The following POMGNT1 variants were observed in gnomAD, a reference collection of about 807,000 sequenced individuals.
POMGNT1 encodes the protein protein O-linked-mannose beta-1,2-N-acetylglucosaminyltransferase 1.
POMGNT1 carries 67 observed loss-of-function variants against 95.6 expected under a neutral mutation model. The observed-to-expected ratio is 0.70, with a 90% CI of 0.58 to 0.86. The LOEUF is 0.86. POMGNT1 is among the 40% of genes least tolerant of loss of function. POMGNT1 has a pLI of 0.00. For missense variants in POMGNT1, 719 were observed against 855.2 expected (o/e 0.84, Z 1.99); for synonymous variants, 298 against 317.9 (o/e 0.94, Z 0.66).
At chr1:46,190,392 G>A (rs1432236055) in intron 19 of POMGNT1, 81 bp downstream of exon 19, 2 of 1,498,214 alleles carry the variant, frequency 1.3e-6, no homozygotes, top group African/African-American at 1.4e-5. Context: ...ATTTTGCACA[G>A]GACCCTGTAA....
rs1657629432 is a variant in POMGNT1 at position 46,190,008 on chromosome 1, G to A, written c.1650-19C>T. 6.2e-7 allele frequency: 1 copy of A among 1,612,410 alleles called. No individual in the cohort carries two copies. Among genetic ancestry groups the A allele is most frequent in the Non-Finnish European group, 8.5e-7 (1 of 1,179,214 alleles). On this transcript the variant is annotated intron_variant, in intron 19 of 21. Transcript: ENST00000371984. ...AGCCTCACTGCAGTAGAGGGTGGGA[G>A]AATATAGCCAAGACAGGGCCCACTT...
In POMGNT1 at chr1:46,196,602, A is replaced by T; in HGVS notation, c.354+129T>A. ...GTCCCAGTCTATAGATAAGGAATCG[A>T]GGACTCCAAAGTCACACAGCTAGAA... On this transcript the variant is annotated intron_variant, in intron 4 of 21. Coordinates refer to ENST00000371984, the MANE Select transcript of POMGNT1 (RefSeq NM_017739.4). The surrounding 1 kb of genome is among the most constrained non-coding windows in gnomAD (Gnocchi z 4.4). The T allele has an allele frequency of 1.3e-6, 2 of 1,561,858 alleles. No homozygotes were observed. Among genetic ancestry groups the T allele is most frequent in the Non-Finnish European group, 1.7e-6 (2 of 1,153,106 alleles).
chr1:46,194,015 G>A, intron 9 of POMGNT1, 90 bp from the exon 10 acceptor site: 2 of 1,580,744 alleles, frequency 1.3e-6, no homozygotes, highest in South Asian at 2.3e-5. Flanking sequence ...GAGGGTAGGT[G>A]CAGACTGGAG....
chr1:46,203,253 T>C (rs771630607), upstream of POMGNT1: 3 of 447,316 alleles, frequency 6.7e-6, no homozygotes, highest in Non-Finnish European at 1.2e-5. Context: ...CTCGAATACA[T>C]CCACAGACGG....
intron 11 of POMGNT1, 65 bp downstream of exon 11, chr1:46,193,499 G>A (rs963719462): frequency 2.5e-5 from 40 of 1,613,316 alleles, no homozygotes; most frequent in Admixed American, 3.3e-5. Flanking sequence ...TCCCTTGCCC[G>A]TCCCTGGCAA....
chr1:46,192,616 C>A (rs1431329750), intron 14 of POMGNT1, 26 bp from the exon 15 acceptor site: 9 of 1,612,668 alleles, frequency 5.6e-6, no homozygotes, highest in South Asian at 1.1e-5. Flanking sequence ...TCAAAGAGTT[C>A]AGGGAGGGAC....
At chr1:46,204,180 C>T (rs766272052) in intron 1 of POMGNT1, among the ~76,000 whole-genome samples, 2 of 152,168 alleles carry the variant, frequency 1.3e-5, no homozygotes, top group Non-Finnish European at 2.9e-5. Context: ...ATGGAAAGTT[C>T]CTAGACCCAT....
Position 46,189,976 on chromosome 1 carries a change from G to T in POMGNT1, c.1663C>A (p.Leu555Met). ...VHRLLSEAEV[L>M]DHSKNPCEDS... ...TCACAAGGGTTCTTGCTGTGGTCCAGAACCTCAGCCTCACTGCAGTAGAGG... is the reference window on the plus strand; with the variant it reads ...TCACAAGGGTTCTTGCTGTGGTCCATAACCTCAGCCTCACTGCAGTAGAGG... Residue 555 changes from leucine (L) to methionine (M), a missense_variant, in exon 20 of 22, where the codon CTG becomes ATG. Leu to Met is a conservative substitution (Grantham distance 15). This residue lies in a region of POMGNT1 where 130 missense variants were observed against 149.2 expected (regional missense o/e 0.87). Coordinates refer to ENST00000371984, the MANE Select transcript of POMGNT1 (RefSeq NM_017739.4). 1 of 1,614,080 alleles carries T rather than the reference G, an allele frequency of 6.2e-7. No individual in the cohort carries two copies. Among genetic ancestry groups the T allele is most frequent in the Non-Finnish European group, 8.5e-7 (1 of 1,180,012 alleles).
chr1:46,202,665 A>T (rs1461630380), upstream of POMGNT1, among the ~76,000 whole-genome samples: 3 of 137,156 alleles, frequency 2.2e-5, no homozygotes, highest in Non-Finnish European at 4.6e-5. Flanking sequence ...CCACCACGCT[A>T]CATCCTGGGC....
intron 1 of POMGNT1, among the ~76,000 whole-genome samples, chr1:46,213,707 G>A (rs965058037): frequency 6.6e-6 from 1 of 152,068 alleles, no homozygotes; most frequent in Admixed American, 6.6e-5. Flanking sequence ...ACAACGTAGC[G>A]AGACTTTGTC....
intron 1 of POMGNT1, among the ~76,000 whole-genome samples, chr1:46,206,964 T>C (rs920764257): frequency 1.3e-5 from 2 of 152,194 alleles, no homozygotes; most frequent in Non-Finnish European, 2.9e-5. Context: ...GAGTCTTCAC[T>C]GTAGAGTGAT....
chr1:46,196,332 T>C lies in POMGNT1; in HGVS notation c.355-255A>G, dbSNP rs1215864864. Among the ~76,000 whole-genome samples the C allele has an allele frequency of 6.6e-6, 1 of 152,226 alleles. No individual in the cohort carries two copies. Among genetic ancestry groups the C allele is most frequent in the Non-Finnish European group, 1.5e-5 (1 of 68,046 alleles). On this transcript the variant is annotated intron_variant, in intron 4 of 21. Transcript: ENST00000371984. The surrounding 1 kb of genome is among the most constrained non-coding windows in gnomAD (Gnocchi z 4.4). The stretch of plus-strand genomic sequence containing the variant: ...TGGCTCTTAGAGCCTCTGCTGTCTC[T>C]GCTTCATCCTGGAAGTATCACAATC...
At chr1:46,190,645 C>T in intron 18 of POMGNT1, 75 bp downstream of exon 18, 3 of 1,541,596 alleles carry the variant, frequency 1.9e-6, no homozygotes, top group South Asian at 1.1e-5. Flanking sequence ...ACAGGCCCAG[C>T]ATTGGAAGGG....
At chr1:46,192,041 T>C in intron 17 of POMGNT1, 57 bp downstream of exon 17, 3 of 1,556,074 alleles carry the variant, frequency 1.9e-6, no homozygotes, top group Non-Finnish European at 2.7e-6. Context: ...TCAGAGTCCA[T>C]GTTCTTGTTC....
upstream of POMGNT1, among the ~76,000 whole-genome samples, chr1:46,201,551 T>G (rs1398151451): frequency 6.7e-6 from 1 of 148,572 alleles, no homozygotes; most frequent in East Asian, 2.0e-4. Flanking sequence ...ATACAAAAAT[T>G]AGTCGGGCAT....
chr1:46,194,267 C>T lies in POMGNT1; in HGVS notation c.879+7G>A, dbSNP rs768184440. On this transcript the variant is annotated splice_region_variant and intron_variant, in intron 9 of 21. Transcript: ENST00000371984. ...TCCAAACCTCACTGTCTTAAGGCCCCACTCACTGGGTCAGGGCTGAACTCG... is the reference window on the plus strand; with the variant it reads ...TCCAAACCTCACTGTCTTAAGGCCCTACTCACTGGGTCAGGGCTGAACTCG... The T allele has an allele frequency of 2.5e-6, 4 of 1,614,190 alleles. No homozygotes were observed. In the East Asian group the frequency reaches 8.9e-5, roughly 36 times the overall value.
chr1:46,202,654 G>A (rs985949828), upstream of POMGNT1, among the ~76,000 whole-genome samples: 1 of 123,070 alleles, frequency 8.1e-6, no homozygotes, highest in Admixed American at 1.1e-4. Flanking sequence ...CCAAGATCGC[G>A]CCACCACGCT....
chr1:46,202,906 TGG>T (rs781252454), upstream of POMGNT1, among the ~76,000 whole-genome samples: 3 of 7,574 alleles, frequency 4.0e-4, 1 homozygote, highest in South Asian at 0.015. Context: ...TTCTAGCCCC[TGG>T]GGGGGGGGGG....
chr1:46,202,056 A>G (rs536543015), upstream of POMGNT1, among the ~76,000 whole-genome samples: 1 of 151,496 alleles, frequency 6.6e-6, no homozygotes, highest in Admixed American at 6.6e-5. Flanking sequence ...CCCAATTGGC[A>G]ACCACTTTTA....
Sources: gnomAD v4.1 joint callset for allele counts (sites outside exome capture counted in the v4.1 genomes callset) on GRCh38, gnomAD v4.1.1 for gene constraint, gnomAD v4.1.1 regional missense constraint, Gnocchi (gnomAD v3.1) non-coding constraint, MANE v1.5 for transcripts, NCBI Gene and HGNC (gene_info 2026-07-23, HGNC 2026-07-21) for gene names.